LDB2: variants seen among roughly 807,000 people sequenced by gnomAD.
The protein encoded by LDB2 is LIM domain binding 2, also known as LIM domain-binding protein 2.
Under a neutral mutation model 44.3 loss-of-function variants are expected in LDB2, and 12 were observed. The observed-to-expected ratio is 0.27, with a 90% CI of 0.17 to 0.44. The LOEUF (loss-of-function observed/expected upper bound fraction) is 0.44, where lower values mean the gene tolerates loss of function less well. Among genes scored for constraint, LDB2 ranks in the 20% least tolerant of loss-of-function variants. The pLI, the probability that LDB2 is intolerant of heterozygous loss-of-function variation, is 1.00. For missense variants in LDB2, 344 were observed against 473.5 expected (o/e 0.73, Z 2.54); for synonymous variants, 164 against 174.8 (o/e 0.94, Z 0.49).
At chr4:16,612,374 T>C (rs1024349558) in intron 2 of LDB2, among the ~76,000 whole-genome samples, 19 of 147,968 alleles carry the variant, frequency 1.3e-4, no homozygotes, top group African/African-American at 4.5e-4. Flanking sequence ...CAGAGAAGAA[T>C]TGAAGGAGAC....
At chr4:16,534,467 C>CG (rs1201537215) in intron 5 of LDB2, among the ~76,000 whole-genome samples, 2 of 152,070 alleles carry the variant, frequency 1.3e-5, no homozygotes, top group Non-Finnish European at 2.9e-5. Context: ...GTAAGGGAAG[C>CG]GCGTGTTTTA....
rs963905396 is a variant in LDB2, at chr4:16,658,030, G to GAAAAC, written c.236-62160_236-62156dup. Among the ~76,000 whole-genome samples, 2 of 152,152 alleles carry GAAAAC rather than the reference G, an allele frequency of 1.3e-5. 1 individual carries two copies. Among genetic ancestry groups the GAAAAC allele is most frequent in the South Asian group, 4.2e-4 (2 of 4,816 alleles). On this transcript the variant is annotated intron_variant, in intron 2 of 7. Coordinates refer to ENST00000304523, the MANE Select transcript of LDB2 (RefSeq NM_001290.5). ...CGCAATTTTATGTTACGAGTATATT[G>GAAAAC]AAAACAAAACAAAACAAAAACTAGG... is the stretch of plus-strand genomic sequence containing the variant.
chr4:16,797,145 A>C lies in LDB2; in HGVS notation c.133-37885T>G, dbSNP rs185839199. On this transcript the variant is annotated intron_variant, in intron 1 of 7. Transcript: ENST00000304523. ...ATTGACCAAAATCCTCAAGTCCTGC[A>C]GTCAACCCTGAGGAACCACATAGAC... Among the ~76,000 whole-genome samples the C allele has an allele frequency of 6.7e-3, 1,027 of 152,326 alleles. 9 individuals carry two copies. Among genetic ancestry groups the C allele is most frequent in the Non-Finnish European group, 0.01 (684 of 68,036 alleles).
rs147193345 is a variant in LDB2, at chr4:16,560,171, G to A, written c.615+25751C>T. 0.021 allele frequency among the ~76,000 whole-genome samples: 3,268 copies of A among 152,156 alleles called. 215 individuals are homozygous for A. The East Asian group carries it at 0.24, about 11-fold the overall frequency. On this transcript the variant is annotated intron_variant, in intron 5 of 7. Coordinates refer to ENST00000304523, the MANE Select transcript of LDB2 (RefSeq NM_001290.5). ...AATTAAAAGAACTAGAAAAGCAAGA[G>A]CAAACACATTCAAAAGCTAGCAGAA...
chr4:16,782,629 C>T (rs771412162), intron 1 of LDB2, among the ~76,000 whole-genome samples: 12 of 152,186 alleles, frequency 7.9e-5, no homozygotes, highest in Admixed American at 2.0e-4. Context: ...GCATTACAGG[C>T]GTGAGCCACC....
chr4:16,601,757 A>G (rs1480987467), intron 2 of LDB2, among the ~76,000 whole-genome samples: 1 of 152,198 alleles, frequency 6.6e-6, no homozygotes. Context: ...ATTCAGATAC[A>G]TAATAAACAC....
intron 2 of LDB2, among the ~76,000 whole-genome samples, chr4:16,597,760 G>C (rs1225291283): frequency 2.0e-5 from 3 of 152,130 alleles, no homozygotes; most frequent in East Asian, 1.9e-4. Context: ...TTAGAGCACT[G>C]TTTGCTATGT....
chr4:16,863,410 T>G (rs1423421626), intron 1 of LDB2, among the ~76,000 whole-genome samples: 2 of 152,172 alleles, frequency 1.3e-5, no homozygotes, highest in African/African-American at 4.8e-5. Context: ...GAATTTGTAT[T>G]TCTTTACTTA....
chr4:16,764,095 GC>G (rs1158004641), intron 1 of LDB2, among the ~76,000 whole-genome samples: 5 of 152,252 alleles, frequency 3.3e-5, no homozygotes, highest in Admixed American at 2.6e-4. Flanking sequence ...TAGCAAGTCT[GC>G]CTAACTCCAA....
chr4:16,800,463 G>C (rs910050212), intron 1 of LDB2, among the ~76,000 whole-genome samples: 4 of 152,026 alleles, frequency 2.6e-5, no homozygotes, highest in Admixed American at 1.3e-4. Flanking sequence ...TTAGTTACTG[G>C]GTTAAAAAAT....
At chr4:16,873,462 A>G (rs10029876) in intron 1 of LDB2, among the ~76,000 whole-genome samples, 92,502 of 151,770 alleles carry the variant, frequency 0.61, 28,750 homozygotes, top group East Asian at 0.85. Flanking sequence ...GTTAACCTTG[A>G]CGGTGTTAAT....
chr4:16,576,685 A>G (rs895570138), intron 5 of LDB2, among the ~76,000 whole-genome samples: 1 of 152,216 alleles, frequency 6.6e-6, no homozygotes, highest in Non-Finnish European at 1.5e-5. Flanking sequence ...TACTGAAACT[A>G]TTCCAACAAA....
chr4:16,754,455 A>G (rs1398492421), intron 2 of LDB2, among the ~76,000 whole-genome samples: 1 of 152,058 alleles, frequency 6.6e-6, no homozygotes, highest in Non-Finnish European at 1.5e-5. Context: ...TGATCATTCT[A>G]TGCTTCAAAT....
intron 4 of LDB2, among the ~76,000 whole-genome samples, chr4:16,586,646 A>C (rs139301241): frequency 6.6e-6 from 1 of 152,274 alleles, no homozygotes; most frequent in Non-Finnish European, 1.5e-5. Flanking sequence ...GGACTGTAAG[A>C]GTAAGTATCA....
At chr4:16,848,342 G>T (rs747002258) in intron 1 of LDB2, among the ~76,000 whole-genome samples, 5 of 152,192 alleles carry the variant, frequency 3.3e-5, no homozygotes, top group Non-Finnish European at 7.3e-5. Flanking sequence ...AATGGCATTT[G>T]TACCCAAACT....
chr4:16,848,596 G>C (rs1392188808), intron 1 of LDB2, among the ~76,000 whole-genome samples: 1 of 152,142 alleles, frequency 6.6e-6, no homozygotes, highest in East Asian at 1.9e-4. Flanking sequence ...AGCTTGAACA[G>C]GATTTTAGCA....
chr4:16,897,895 A>AATATATATATATATATAT (rs1174965862), intron 1 of LDB2, among the ~76,000 whole-genome samples: 1 of 78,158 alleles, frequency 1.3e-5, no homozygotes, highest in Non-Finnish European at 2.9e-5. Context: ...TAAAAAAGAA[A>AATATATATATATATATAT]ATATATATAT....
intron 7 of LDB2, chr4:16,506,109 C>T: frequency 2.2e-6 from 2 of 919,228 alleles, no homozygotes; most frequent in South Asian, 3.7e-5. Flanking sequence ...TTGGACCAGA[C>T]AGTGGATGCC....
intron 1 of LDB2, among the ~76,000 whole-genome samples, chr4:16,847,467 C>T (rs1174663628): frequency 6.6e-6 from 1 of 152,206 alleles, no homozygotes; most frequent in Non-Finnish European, 1.5e-5. Flanking sequence ...AAAATTCTTA[C>T]ATCAAAGATG....
Sources: allele counts gnomAD v4.1 joint callset (sites outside exome capture counted in the v4.1 genomes callset), GRCh38; gene constraint gnomAD v4.1.1; transcripts MANE v1.5; gene names NCBI Gene and HGNC (gene_info 2026-07-23, HGNC 2026-07-21).